HMCN1: variants seen among roughly 807,000 people sequenced by gnomAD.
The protein encoded by HMCN1 is hemicentin 1.
Under a neutral mutation model 625.9 loss-of-function variants are expected in HMCN1, and 321 were observed. The ratio of observed to expected loss-of-function variants is 0.51; its 90% CI spans 0.47 to 0.56. The LOEUF (loss-of-function observed/expected upper bound fraction) is 0.56. HMCN1 is among the 20% of genes least tolerant of loss of function. HMCN1 has a pLI of 0.00. For missense variants in HMCN1, 6,588 were observed against 6,887.3 expected (o/e 0.96, Z 1.54); for synonymous variants, 2,425 against 2,417.6 (o/e 1.00, Z -0.09).
chr1:185,928,175 T>C (rs1223367280), intron 9 of HMCN1, among the ~76,000 whole-genome samples: 2 of 152,146 alleles, frequency 1.3e-5, no homozygotes, highest in Non-Finnish European at 2.9e-5. Flanking sequence ...CTAATTAAAT[T>C]GCTTTGTCTA....
Position 185,877,321 on chromosome 1 carries a change from CTTTTTTTTTTTTTTTT to C in HMCN1, c.621+11473_621+11488del, listed in dbSNP as rs71557837. 1.9e-3 allele frequency among the ~76,000 whole-genome samples: 66 copies of C among 34,924 alleles called. 2 individuals carry two copies. The South Asian group carries it at 0.057, about 30-fold the overall frequency. The allele number at this position is 34,924 out of a possible 152,430, so 22.9% of individuals were successfully genotyped here. A position where few individuals can be genotyped will look rare whatever the true frequency, so the allele number is the denominator to read the frequency against. On this transcript the variant is annotated intron_variant, in intron 4 of 106. Transcript: ENST00000271588. ...CTATTTCATTGATCTATGTGTCTTT[CTTTTTTTTTTTTTTTT>C]TTTTTTTTTTTTTTACCAGTACCAT...
chr1:185,834,477 GT>G (rs1661048903), intron 1 of HMCN1, among the ~76,000 whole-genome samples: 3 of 152,182 alleles, frequency 2.0e-5, no homozygotes, highest in Admixed American at 2.0e-4. Context: ...GCTGCCCTCA[GT>G]TTCTTGTTAT....
chr1:185,913,609 G>A (rs1341989355), intron 6 of HMCN1, among the ~76,000 whole-genome samples: 5 of 152,094 alleles, frequency 3.3e-5, no homozygotes, highest in African/African-American at 9.7e-5. Flanking sequence ...ATACGTGCAC[G>A]TGAGGCCATT....
rs113496775 is a variant in HMCN1, at chr1:186,119,966, C to T, written c.12095-45C>T. The T allele has an allele frequency of 5.1e-5, 82 of 1,613,750 alleles. No individual in the cohort carries two copies. In the African/African-American group the frequency reaches 7.7e-4, roughly 15 times the overall value. On this transcript the variant is annotated intron_variant, in intron 79 of 106. Transcript: ENST00000271588. ...AATCAGCATGATTGTTTTTAATGAA[C>T]AGGCTTTTTTTTTTCCCCACTCTGC...
chr1:185,834,210 T>G (rs1661036609), intron 1 of HMCN1, among the ~76,000 whole-genome samples: 1 of 152,164 alleles, frequency 6.6e-6, no homozygotes, highest in Non-Finnish European at 1.5e-5. Flanking sequence ...CATAAAAAAG[T>G]ATTCCAAAAC....
intron 49 of HMCN1, 31 bp from the exon 50 acceptor site, chr1:186,067,803 T>C (rs1346686022): frequency 1.3e-6 from 2 of 1,513,008 alleles, no homozygotes; most frequent in Admixed American, 3.3e-5. Flanking sequence ...TTTCTACATA[T>C]ATTTCTTCAA....
intron 12 of HMCN1, among the ~76,000 whole-genome samples, chr1:185,963,383 C>G (rs1017926616): frequency 6.6e-6 from 1 of 152,064 alleles, no homozygotes; most frequent in East Asian, 1.9e-4. Flanking sequence ...AGCAATCCAC[C>G]ACATGGAGCA....
chr1:185,835,459 G>A (rs1661111065), intron 1 of HMCN1, among the ~76,000 whole-genome samples: 1 of 152,184 alleles, frequency 6.6e-6, no homozygotes, highest in Non-Finnish European at 1.5e-5. Context: ...TGGCTCAAAT[G>A]TGGATGCTTT....
rs982533476 is a variant in HMCN1 at position 186,144,106 on chromosome 1, T to C, written c.13925-67T>C. The C allele has an allele frequency of 8.4e-6, 12 of 1,428,976 alleles. No individual in the cohort carries two copies. The African/African-American group carries it at 1.6e-4, about 19-fold the overall frequency. The allele number at this position is 1,428,976 out of a possible 1,614,324, so 88.5% of individuals were successfully genotyped here. On this transcript the variant is annotated intron_variant, in intron 89 of 106. Coordinates refer to ENST00000271588, the MANE Select transcript of HMCN1 (RefSeq NM_031935.3). ...TTAGCTCATTACTGAGTTAATTTATTTATATAATTTTGGTTTTAAACAAAC... is the reference window on the plus strand; with the variant it reads ...TTAGCTCATTACTGAGTTAATTTATCTATATAATTTTGGTTTTAAACAAAC...
chr1:186,159,237 T>A (rs1651257965), intron 97 of HMCN1, among the ~76,000 whole-genome samples: 1 of 152,156 alleles, frequency 6.6e-6, no homozygotes. Context: ...CTGTCTGTTA[T>A]TGGTGTGCTT....
chr1:185,985,217 T>C (rs974921347), intron 19 of HMCN1, among the ~76,000 whole-genome samples: 1 of 152,218 alleles, frequency 6.6e-6, no homozygotes, highest in African/African-American at 2.4e-5. Flanking sequence ...ACCTTAGATA[T>C]TCTTGGAGAA....
At chr1:185,908,936 C>G (rs900037074) in intron 4 of HMCN1, among the ~76,000 whole-genome samples, 2 of 151,490 alleles carry the variant, frequency 1.3e-5, no homozygotes, top group African/African-American at 4.8e-5. Flanking sequence ...CAAATTGCAT[C>G]TGGAAGAATA....
intron 4 of HMCN1, among the ~76,000 whole-genome samples, chr1:185,877,276 T>G (rs948583821): frequency 1.3e-5 from 2 of 151,082 alleles, no homozygotes; most frequent in Non-Finnish European, 3.0e-5. Flanking sequence ...GTATGTGGCT[T>G]AATTTCTGGA....
At chr1:185,865,692 T>A in intron 3 of HMCN1, 49 bp from the exon 4 acceptor site, 2 of 1,554,744 alleles carry the variant, frequency 1.3e-6, no homozygotes, top group Non-Finnish European at 8.8e-7. Context: ...CATATTTTTT[T>A]ATTTCTGGAA....
Position 186,136,954 on chromosome 1 carries a change from G to A in HMCN1, c.13582+17G>A. ...TAGTCCAGGGTGAGTGTGATCAGAG[G>A]AATATTCATAGTAAACAGTACCTGG... On this transcript the variant is annotated intron_variant, in intron 87 of 106. Transcript: ENST00000271588. 6.2e-7 allele frequency: 1 copy of A among 1,611,780 alleles called. No individual in the cohort carries two copies. Among genetic ancestry groups the A allele is most frequent in the Non-Finnish European group, 8.5e-7 (1 of 1,179,734 alleles).
chr1:185,905,871 A>G (rs976974613), intron 4 of HMCN1, among the ~76,000 whole-genome samples: 2 of 151,818 alleles, frequency 1.3e-5, no homozygotes, highest in Non-Finnish European at 3.0e-5. Flanking sequence ...CATCTATCAA[A>G]TTAAGGAGAT....
chr1:185,959,086 A>T (rs1183992412), intron 11 of HMCN1, among the ~76,000 whole-genome samples: 2 of 152,230 alleles, frequency 1.3e-5, no homozygotes, highest in African/African-American at 2.4e-5. Flanking sequence ...AAATTTGCCC[A>T]AGTACTCTAA....
chr1:185,929,893 G>A (rs1399233191), intron 10 of HMCN1, among the ~76,000 whole-genome samples: 2 of 152,076 alleles, frequency 1.3e-5, no homozygotes, highest in Admixed American at 6.6e-5. Flanking sequence ...GAAAAGCATT[G>A]GAGTCATGTC....
intron 97 of HMCN1, among the ~76,000 whole-genome samples, chr1:186,161,129 G>T (rs1312075452): frequency 6.6e-6 from 1 of 151,640 alleles, no homozygotes; most frequent in African/African-American, 2.4e-5. Flanking sequence ...ATATATTTAG[G>T]ATAGTTAGCT....
Sources: gnomAD v4.1 joint callset for allele counts (sites outside exome capture counted in the v4.1 genomes callset) on GRCh38, gnomAD v4.1.1 for gene constraint, MANE v1.5 for transcripts, NCBI Gene and HGNC (gene_info 2026-07-23, HGNC 2026-07-21) for gene names.